DIPK1A: variants seen among roughly 807,000 people sequenced by gnomAD.
The protein encoded by DIPK1A is divergent protein kinase domain 1A, also known as family with sequence similarity 69 member A.
Under a neutral mutation model 40.8 loss-of-function variants are expected in DIPK1A, and 27 were observed. That is an observed-to-expected ratio of 0.66 (90% confidence interval 0.49 to 0.91). The LOEUF (loss-of-function observed/expected upper bound fraction) is 0.91. DIPK1A is among the 40% of genes least tolerant of loss of function. DIPK1A has a pLI of 0.00. For missense variants in DIPK1A, 412 were observed against 505.7 expected, an observed-to-expected ratio of 0.81 and a Z score of 1.78; for synonymous variants, 166 against 171.3, an observed-to-expected ratio of 0.97 and a Z score of 0.24.
In DIPK1A at chr1:92,893,510, C is replaced by T. The variant is rs542294959; in HGVS notation, c.55-17080G>A. 8.7e-3 allele frequency among the ~76,000 whole-genome samples: 1,318 copies of T among 152,086 alleles called. 11 individuals are homozygous for T. Among genetic ancestry groups the T allele is most frequent in the Non-Finnish European group, 0.012 (798 of 68,006 alleles). ...AAGAGCTCCTGAAGGAAGCACTAAA[C>T]ATGGAAAGGAACAACCGGTACCAGC... On this transcript the variant is annotated intron_variant, in intron 1 of 4. Transcript: ENST00000370310.
chr1:92,949,593 C>T (rs1651546787), intron 1 of DIPK1A, among the ~76,000 whole-genome samples: 1 of 152,098 alleles, frequency 6.6e-6, no homozygotes, highest in Non-Finnish European at 1.5e-5. Flanking sequence ...TCTTTCAGTA[C>T]TCAAATTAAG....
chr1:92,911,564 C>T (rs150187919), intron 1 of DIPK1A, among the ~76,000 whole-genome samples: 43 of 152,198 alleles, frequency 2.8e-4, no homozygotes, highest in African/African-American at 9.4e-4. Flanking sequence ...GTTTGTTTAA[C>T]CTACTGAAGG....
At chr1:92,853,387 A>G (rs1687880946) in intron 2 of DIPK1A, among the ~76,000 whole-genome samples, 1 of 152,210 alleles carries the variant, frequency 6.6e-6, no homozygotes, top group South Asian at 2.1e-4. Flanking sequence ...GGACTTCAAA[A>G]ATAAGTTATC....
chr1:92,833,750 TG>T, intron 4 of DIPK1A: 2 of 997,848 alleles, frequency 2.0e-6, no homozygotes, highest in Non-Finnish European at 3.1e-6. Context: ...TTAGAAGGGC[TG>T]TCTAGCACCT....
At chr1:92,926,958 A>C (rs1446803583) in intron 1 of DIPK1A, among the ~76,000 whole-genome samples, 1 of 152,108 alleles carries the variant, frequency 6.6e-6, no homozygotes, top group Non-Finnish European at 1.5e-5. Flanking sequence ...TCTATCTTTT[A>C]ATTGTAATGT....
intron 1 of DIPK1A, 167 bp from the exon 2 acceptor site, chr1:92,876,597 G>C: frequency 1.5e-6 from 1 of 646,784 alleles, no homozygotes; most frequent in South Asian, 2.5e-5. Flanking sequence ...AACAGCACTG[G>C]TCTTAGAAAA....
intron 2 of DIPK1A, among the ~76,000 whole-genome samples, chr1:92,866,590 T>C (rs1647558450): frequency 6.6e-6 from 1 of 152,226 alleles, no homozygotes; most frequent in African/African-American, 2.4e-5. Flanking sequence ...GGCTAGGCCA[T>C]AGCCCCCAGT....
intron 1 of DIPK1A, among the ~76,000 whole-genome samples, chr1:92,903,221 T>G (rs1163075444): frequency 1.3e-5 from 2 of 152,096 alleles, no homozygotes; most frequent in East Asian, 3.9e-4. Flanking sequence ...AATTTTTGTA[T>G]TTTTTGTAGA....
intron 2 of DIPK1A, among the ~76,000 whole-genome samples, chr1:92,859,014 C>T (rs1452890439): frequency 2.0e-5 from 3 of 152,152 alleles, no homozygotes; most frequent in Admixed American, 6.5e-5. Context: ...GCCTCTCTTG[C>T]CTGCACATAC....
At chr1:92,870,330 A>T (rs1398509541) in intron 2 of DIPK1A, among the ~76,000 whole-genome samples, 1 of 152,086 alleles carries the variant, frequency 6.6e-6, no homozygotes, top group African/African-American at 2.4e-5. Flanking sequence ...GGTTCCAGCG[A>T]TTCTCCTGCC....
intron 1 of DIPK1A, among the ~76,000 whole-genome samples, chr1:92,920,006 A>G (rs1650209730): frequency 6.6e-6 from 1 of 152,252 alleles, no homozygotes; most frequent in Admixed American, 6.5e-5. Context: ...TTGAGACCCT[A>G]TAGAACCTAC....
intron 1 of DIPK1A, among the ~76,000 whole-genome samples, chr1:92,935,691 T>A (rs1001981569): frequency 6.6e-6 from 1 of 151,962 alleles, no homozygotes; most frequent in East Asian, 1.9e-4. Context: ...AAGGATAAGA[T>A]CTTTATGTTA....
At chr1:92,888,955 T>C (rs568293621) in intron 1 of DIPK1A, among the ~76,000 whole-genome samples, 33 of 152,340 alleles carry the variant, frequency 2.2e-4, no homozygotes, top group Middle Eastern at 3.4e-3. Context: ...TTTTCTCTCA[T>C]TCTGCACGTT....
intron 1 of DIPK1A, among the ~76,000 whole-genome samples, chr1:92,891,929 T>TACAAACAAATGGAAGAA (rs563215305): frequency 1.3e-5 from 2 of 151,196 alleles, no homozygotes; most frequent in African/African-American, 4.9e-5. Flanking sequence ...CAGTCTGAGA[T>TACAAACAAATGGAAGAA]CAAACTGCAA....
rs1307547984 is a variant in DIPK1A at position 92,876,447 on chromosome 1, A to G, written c.55-17T>C. ...GAAGCGAGCCTGTGAGTAAAAAAGA[A>G]CATAACGATCATTCATTCAGCACCA... is the stretch of plus-strand genomic sequence containing the variant. On this transcript the variant is annotated splice_polypyrimidine_tract_variant and intron_variant, in intron 1 of 4. Transcript: ENST00000370310. The G allele has an allele frequency of 8.1e-6, 13 of 1,610,624 alleles. No homozygotes were observed. The highest frequency in any genetic ancestry group is 9.3e-6 in the Non-Finnish European group (11 of 1,178,814).
intron 4 of DIPK1A, chr1:92,833,722 A>G (rs565570301): frequency 1.5e-6 from 2 of 1,328,070 alleles, no homozygotes; most frequent in East Asian, 2.3e-5. Flanking sequence ...TTGGGAAGCA[A>G]AGCACATGGT....
At chr1:92,834,956 T>A in intron 4 of DIPK1A, 1 of 1,599,608 alleles carries the variant, frequency 6.3e-7, no homozygotes, top group Non-Finnish European at 8.5e-7. Flanking sequence ...TGTGGCTGAT[T>A]GCTTGGAGAG....
rs59664439 is a variant in DIPK1A, at chr1:92,851,542, C to CAAAA, written c.190-591_190-588dup. On this transcript the variant is annotated intron_variant, in intron 2 of 4. Transcript: ENST00000370310. ...TGGGTGAGAGAGTGAGACCCTATCT[C>CAAAA]AAAAAAAAAAAAAAAAAAAACTTCT... 3.7e-4 allele frequency among the ~76,000 whole-genome samples: 13 copies of CAAAA among 34,776 alleles called. 4 individuals are homozygous for CAAAA. The highest frequency in any genetic ancestry group is 2.8e-3 in the South Asian group (1 of 356). The allele number at this position is 34,776 out of a possible 152,430, so 22.8% of individuals were successfully genotyped here.
chr1:92,840,351 ATTCAC>A, downstream of DIPK1A: 1 of 542,006 alleles, frequency 1.8e-6, no homozygotes, highest in Non-Finnish European at 3.3e-6. Context: ...TGTAGTGATA[ATTCAC>A]ATTGCATAAG....
Sources: gnomAD v4.1 joint callset for allele counts (sites outside exome capture counted in the v4.1 genomes callset) on GRCh38, gnomAD v4.1.1 for gene constraint, MANE v1.5 for transcripts, NCBI Gene and HGNC (gene_info 2026-07-23, HGNC 2026-07-21) for gene names.